RTL9: variants seen among roughly 807,000 people sequenced by gnomAD.
The protein encoded by RTL9 is retrotransposon Gag-like protein 9.
Under a neutral mutation model 44.7 loss-of-function variants are expected in RTL9, and 19 were observed. The observed-to-expected ratio is 0.42, with a 90% CI of 0.30 to 0.62. The LOEUF (loss-of-function observed/expected upper bound fraction) is 0.62, where lower values mean the gene tolerates loss of function less well. Ranked by LOEUF, RTL9 falls within the 20% of genes least tolerant of loss-of-function variation. RTL9 has a pLI of 0.16. For synonymous variants in RTL9, 407 were observed against 398.9 expected (o/e 1.02, Z -0.24); for missense variants, 1,105 against 1,080.6 (o/e 1.02, Z -0.32).
intron 1 of RTL9, among the ~76,000 whole-genome samples, chrX:110,444,850 G>A (rs2068900279): frequency 1.8e-5 from 2 of 112,339 alleles, no homozygotes; most frequent in African/African-American, 6.5e-5. Flanking sequence ...TACAGCTTTG[G>A]AGTTTACGGT....
chrX:110,400,139 G>A (rs755220707), intron 1 of RTL9, among the ~76,000 whole-genome samples: 49 of 108,094 alleles, frequency 4.5e-4, no homozygotes, highest in Non-Finnish European at 8.6e-4. Context: ...TGGCAGCGCA[G>A]TAAATAATCT....
At chrX:110,448,162 G>A (rs977465310), upstream of RTL9, among the ~76,000 whole-genome samples, 1 of 111,532 alleles carries the variant, frequency 9.0e-6, no homozygotes. Context: ...AATTGTCTTC[G>A]TTATGATCAC....
At position 110,433,698 on chromosome X, in the gene RTL9, G is replaced by A. The variant is rs185760331; in HGVS notation, c.-167-11455G>A. 1.0e-3 allele frequency among the ~76,000 whole-genome samples: 116 copies of A among 111,645 alleles called. 1 individual carries two copies. Among genetic ancestry groups the A allele is most frequent in the Non-Finnish European group, 9.4e-4 (50 of 53,230 alleles). ...TCAATCATGAAAAGAGCTTAGGACA[G>A]TGACACTTTTAGAAAGCCCTGAATG... On this transcript the variant is annotated intron_variant, in intron 1 of 3. Transcript: ENST00000465301.
chrX:110,407,001 G>A (rs2068606958), intron 1 of RTL9, among the ~76,000 whole-genome samples: 1 of 111,469 alleles, frequency 9.0e-6, no homozygotes, highest in Non-Finnish European at 1.9e-5. Context: ...TGCCTTCTTT[G>A]GCACCTGGAT....
At chrX:110,362,842 C>T (rs754642774) in intron 1 of RTL9, among the ~76,000 whole-genome samples, 15 of 111,868 alleles carry the variant, frequency 1.3e-4, no homozygotes, top group South Asian at 1.1e-3. Flanking sequence ...ACATTCACTA[C>T]GTATGTGGTA....
intron 1 of RTL9, among the ~76,000 whole-genome samples, chrX:110,398,847 A>G (rs778993591): frequency 8.9e-6 from 1 of 112,520 alleles, no homozygotes; most frequent in South Asian, 3.7e-4. Flanking sequence ...GGGAAGGCAA[A>G]TAAGTTTCAT....
At chrX:110,405,088 TCC>T (rs35297150) in intron 1 of RTL9, among the ~76,000 whole-genome samples, 4,248 of 74,028 alleles carry the variant, frequency 0.057, 280 homozygotes, top group African/African-American at 0.19. Flanking sequence ...GCTTGTTGTG[TCC>T]CCCCCCCCCC....
intron 1 of RTL9, among the ~76,000 whole-genome samples, chrX:110,442,245 C>CTG (rs778332389): frequency 1.9e-4 from 19 of 100,828 alleles, no homozygotes; most frequent in African/African-American, 2.3e-4. Context: ...CTCTCTCTCT[C>CTG]TCTGTGTGTG....
At chrX:110,390,954 T>C (rs1049909196) in intron 1 of RTL9, among the ~76,000 whole-genome samples, 2 of 111,861 alleles carry the variant, frequency 1.8e-5, no homozygotes, top group African/African-American at 6.5e-5. Flanking sequence ...TTTTGTCATC[T>C]GGAACATGGT....
At chrX:110,439,249 T>C (rs2148339567) in intron 1 of RTL9, among the ~76,000 whole-genome samples, 1 of 112,039 alleles carries the variant, frequency 8.9e-6, no homozygotes, top group Non-Finnish European at 1.9e-5. Flanking sequence ...AGTAAAAACA[T>C]CAGAAATGCT....
chrX:110,361,536 T>C (rs1232464391), intron 1 of RTL9, among the ~76,000 whole-genome samples: 2 of 111,378 alleles, frequency 1.8e-5, no homozygotes, highest in African/African-American at 6.5e-5. Flanking sequence ...TGACACTCAG[T>C]AACAACAAAA....
intron 1 of RTL9, among the ~76,000 whole-genome samples, chrX:110,383,837 A>G (rs2068436653): frequency 8.9e-6 from 1 of 111,855 alleles, no homozygotes; most frequent in South Asian, 3.8e-4. Flanking sequence ...GCAAAACAAT[A>G]TAACAACTAA....
chrX:110,455,505 T>C (rs2068975485), exon 2 of RTL9: 2 of 464,047 alleles, frequency 4.3e-6, no homozygotes, highest in Non-Finnish European at 7.1e-6. Flanking sequence ...CCCACATGCC[T>C]AAGACCTGCC....
chrX:110,447,181 T>C (rs1450452721), upstream of RTL9, among the ~76,000 whole-genome samples: 3 of 95,104 alleles, frequency 3.2e-5, no homozygotes, highest in Non-Finnish European at 6.2e-5. Context: ...TTTTGAGTAG[T>C]ATGCTATAGT....
chrX:110,422,362 C>T (rs1331131665), intron 1 of RTL9, among the ~76,000 whole-genome samples: 1 of 112,571 alleles, frequency 8.9e-6, no homozygotes, highest in Non-Finnish European at 1.9e-5. Context: ...AGACCTCTGC[C>T]AATTGCTGAC....
chrX:110,428,472 G>T (rs1389753134), intron 1 of RTL9, among the ~76,000 whole-genome samples: 1 of 111,620 alleles, frequency 9.0e-6, no homozygotes, highest in African/African-American at 3.3e-5. Context: ...ACGAATAACT[G>T]AATCAATGAT....
chrX:110,456,154 G>T (rs1303072871), exon 2 of RTL9: 1 of 112,346 alleles, frequency 8.9e-6, no homozygotes, highest in Admixed American at 9.5e-5. Context: ...GAGGGTCTTG[G>T]TCTATAAACA....
At chrX:110,407,378 C>T (rs773419012) in intron 1 of RTL9, among the ~76,000 whole-genome samples, 4 of 112,041 alleles carry the variant, frequency 3.6e-5, no homozygotes, top group Admixed American at 2.8e-4. Flanking sequence ...CTGCCTTGGT[C>T]TAGAAGATAC....
upstream of RTL9, among the ~76,000 whole-genome samples, chrX:110,418,857 C>T (rs758175259): frequency 1.8e-4 from 20 of 111,571 alleles, no homozygotes; most frequent in Non-Finnish European, 3.6e-4. Flanking sequence ...TCTTTCAGCT[C>T]ATCATAAACA....
Sources: allele counts gnomAD v4.1 joint callset (sites outside exome capture counted in the v4.1 genomes callset), GRCh38; gene constraint gnomAD v4.1.1; transcripts MANE v1.5; gene names NCBI Gene and HGNC (gene_info 2026-07-23, HGNC 2026-07-21).